Variants in RPS6KA6 observed in about 807,000 individuals in gnomAD.
RPS6KA6 encodes the protein ribosomal protein S6 kinase alpha-6.
RPS6KA6 carries 27 observed loss-of-function variants against 65.4 expected under a neutral mutation model. The ratio of observed to expected loss-of-function variants is 0.41; its 90% CI spans 0.30 to 0.57. The LOEUF (loss-of-function observed/expected upper bound fraction) is 0.57. RPS6KA6 is among the 20% of genes least tolerant of loss of function. The pLI, the probability that RPS6KA6 is intolerant of heterozygous loss-of-function variation, is 0.24. For missense variants in RPS6KA6, 486 were observed against 555.6 expected, an observed-to-expected ratio of 0.87 and a Z score of 1.26; for synonymous variants, 190 against 184.2, an observed-to-expected ratio of 1.03 and a Z score of -0.26.
chrX:84,169,721 G>A (rs1235011736), intron 1 of RPS6KA6, among the ~76,000 whole-genome samples: 1 of 111,858 alleles, frequency 8.9e-6, no homozygotes, highest in Non-Finnish European at 1.9e-5. Context: ...GAAGACAGTA[G>A]AGAGATACAC....
At chrX:84,086,202 T>C (rs1466236468) in intron 20 of RPS6KA6, among the ~76,000 whole-genome samples, 1 of 111,747 alleles carries the variant, frequency 8.9e-6, no homozygotes, top group African/African-American at 3.3e-5. Flanking sequence ...TTCTCATAGC[T>C]TTGTGTTTGT....
chrX:84,079,843 A>G (rs2033751939), intron 20 of RPS6KA6, among the ~76,000 whole-genome samples: 1 of 112,049 alleles, frequency 8.9e-6, no homozygotes, highest in South Asian at 3.7e-4. Flanking sequence ...CTTATAGATA[A>G]AACTCCATCT....
At chrX:84,148,283 T>C (rs1398149312) in intron 3 of RPS6KA6, among the ~76,000 whole-genome samples, 160 bp from the exon 4 acceptor site, 1 of 110,747 alleles carries the variant, frequency 9.0e-6, no homozygotes, top group Non-Finnish European at 1.9e-5. Context: ...GAGAGATTTG[T>C]TGAAGGATGC....
intron 1 of RPS6KA6, among the ~76,000 whole-genome samples, chrX:84,169,342 G>A (rs1363555263): frequency 9.1e-6 from 1 of 109,954 alleles, no homozygotes; most frequent in African/African-American, 3.3e-5. Context: ...TCTGATCCCA[G>A]AAAATCACAT....
At chrX:84,164,829 T>C (rs2035572799) in intron 1 of RPS6KA6, among the ~76,000 whole-genome samples, 1 of 111,660 alleles carries the variant, frequency 9.0e-6, no homozygotes, top group Admixed American at 9.5e-5. Context: ...TTAAACATCA[T>C]GACATACTAT....
intron 6 of RPS6KA6, among the ~76,000 whole-genome samples, chrX:84,137,642 G>T (rs769236896): frequency 1.8e-5 from 2 of 111,799 alleles, no homozygotes; most frequent in Admixed American, 9.5e-5. Flanking sequence ...CCTGTAAAAA[G>T]CCTTTTCAAA....
At chrX:84,132,914 G>GA (rs66529748) in intron 8 of RPS6KA6, among the ~76,000 whole-genome samples, 12,503 of 98,543 alleles carry the variant, frequency 0.13, 780 homozygotes, top group East Asian at 0.52. Flanking sequence ...GTGGACTAGT[G>GA]AAAAAAAAAA....
intron 1 of RPS6KA6, among the ~76,000 whole-genome samples, chrX:84,180,752 A>G (rs2035839483): frequency 8.9e-6 from 1 of 111,771 alleles, no homozygotes; most frequent in African/African-American, 3.2e-5. Flanking sequence ...AGCACATCTG[A>G]CTGCTGATCT....
chrX:84,151,260 T>TAC (rs1360064237), intron 3 of RPS6KA6, among the ~76,000 whole-genome samples: 33 of 103,561 alleles, frequency 3.2e-4, no homozygotes, highest in Non-Finnish European at 5.7e-4. Flanking sequence ...TATATATATA[T>TAC]ACACACACAC....
intron 20 of RPS6KA6, among the ~76,000 whole-genome samples, chrX:84,094,028 G>A (rs991484924): frequency 9.2e-6 from 1 of 108,648 alleles, no homozygotes; most frequent in African/African-American, 3.3e-5. Flanking sequence ...ATCACCATCA[G>A]CGTTTTCTTT....
intron 1 of RPS6KA6, among the ~76,000 whole-genome samples, chrX:84,176,326 A>G (rs1382583390): frequency 1.8e-5 from 2 of 112,179 alleles, no homozygotes; most frequent in Non-Finnish European, 3.8e-5. Context: ...TTCCAAAAAT[A>G]TAAGTATTCA....
intron 11 of RPS6KA6, among the ~76,000 whole-genome samples, chrX:84,116,835 TA>T (rs1232209402): frequency 9.0e-6 from 1 of 111,581 alleles, no homozygotes; most frequent in Non-Finnish European, 1.9e-5. Context: ...AAGTAACCCA[TA>T]ATATATACAT....
chrX:84,082,817 G>C (rs767019703), intron 20 of RPS6KA6, among the ~76,000 whole-genome samples: 2 of 111,303 alleles, frequency 1.8e-5, no homozygotes, highest in Admixed American at 9.6e-5. Flanking sequence ...TCTGGTTTTT[G>C]ACAATCCTGA....
chrX:84,149,928 C>G (rs1358793449), intron 3 of RPS6KA6, among the ~76,000 whole-genome samples: 1 of 112,195 alleles, frequency 8.9e-6, no homozygotes, highest in Non-Finnish European at 1.9e-5. Context: ...CTTCTTCCAA[C>G]AGAAGGCTGT....
Position 84,161,042 on chromosome X carries a change from T to C in RPS6KA6, c.141+3286A>G, listed in dbSNP as rs923708804. 1.7e-4 allele frequency among the ~76,000 whole-genome samples: 19 copies of C among 111,110 alleles called. 1 individual carries two copies. The highest frequency in any genetic ancestry group is 5.5e-4 in the African/African-American group (17 of 30,703). On this transcript the variant is annotated intron_variant, in intron 2 of 21. Transcript: ENST00000262752. The stretch of plus-strand genomic sequence containing the variant: ...TCATCTACAAATTGGCAGTAATACT[T>C]ACTCTATTTCAGATCTCAGTTATAA...
At chrX:84,124,580 G>A (rs1208394595) in intron 8 of RPS6KA6, among the ~76,000 whole-genome samples, 2 of 109,404 alleles carry the variant, frequency 1.8e-5, no homozygotes, top group African/African-American at 6.7e-5. Context: ...TAATTTGTGA[G>A]CTTGAAGACA....
chrX:84,148,582 T>C (rs2035241969), intron 3 of RPS6KA6, among the ~76,000 whole-genome samples: 1 of 111,253 alleles, frequency 9.0e-6, no homozygotes, highest in Non-Finnish European at 1.9e-5. Context: ...TTGAGAATTT[T>C]GTGATGTAAG....
At position 84,165,017 on chromosome X, in the gene RPS6KA6, C is replaced by G. The variant is rs186009538; in HGVS notation, c.82-630G>C. 3.1e-4 allele frequency among the ~76,000 whole-genome samples: 35 copies of G among 111,206 alleles called. 1 individual carries two copies. The East Asian group carries it at 7.7e-3, about 24-fold the overall frequency. On this transcript the variant is annotated intron_variant, in intron 1 of 21. Coordinates refer to ENST00000262752, the MANE Select transcript of RPS6KA6 (RefSeq NM_014496.5). The stretch of plus-strand genomic sequence containing the variant: ...CTATAACCCATGAGCTAAATCTGAC[C>G]TCTTGTCCGTTTCTGTAAAAATTTT...
At chrX:84,086,782 T>C (rs891534518) in intron 20 of RPS6KA6, among the ~76,000 whole-genome samples, 4 of 111,185 alleles carry the variant, frequency 3.6e-5, no homozygotes, top group African/African-American at 1.3e-4. Context: ...CCCACTATTA[T>C]TGTGTGGGAG....
Sources: gnomAD v4.1 joint callset for allele counts (sites outside exome capture counted in the v4.1 genomes callset) on GRCh38, gnomAD v4.1.1 for gene constraint, MANE v1.5 for transcripts, NCBI Gene and HGNC (gene_info 2026-07-23, HGNC 2026-07-21) for gene names.